The following TECTA variants were observed in gnomAD, a reference collection of about 807,000 sequenced individuals.
TECTA encodes tectorin alpha.
TECTA carries 128 observed loss-of-function variants against 216.8 expected under a neutral mutation model. The observed-to-expected ratio is 0.59, with a 90% CI of 0.51 to 0.68. The LOEUF (loss-of-function observed/expected upper bound fraction) is 0.68, where lower values mean the gene tolerates loss of function less well. Ranked by LOEUF, TECTA falls within the 30% of genes least tolerant of loss-of-function variation. The pLI is 0.00. For missense variants in TECTA, 2,551 were observed against 2,786.2 expected (o/e 0.92, Z 1.90); for synonymous variants, 1,089 against 1,117.1 (o/e 0.97, Z 0.50).
intron 13 of TECTA, 99 bp from the exon 14 acceptor site, chr11:121,157,742 A>C (rs1211404430): frequency 5.8e-6 from 9 of 1,560,172 alleles, no homozygotes; most frequent in Non-Finnish European, 7.9e-6. Context: ...CATTAAAGAT[A>C]GGCTAGCCAA....
Position 121,105,333 on chromosome 11 carries a change from T to C in TECTA, c.65-498T>C, listed in dbSNP as rs1366740093. Among the ~76,000 whole-genome samples the C allele has an allele frequency of 6.6e-6, 1 of 152,258 alleles. No homozygotes were observed. The highest frequency in any genetic ancestry group is 1.5e-5 in the Non-Finnish European group (1 of 68,046). On this transcript the variant is annotated intron_variant, in intron 2 of 23. Transcript: ENST00000392793. The surrounding 1 kb of genome is among the most constrained non-coding windows in gnomAD (Gnocchi z 5.3). ...GCTACAAATCCTCTCCTCCCACTTTTGTCTCAGTTCCCACTGTTGTTTATT... is the reference window on the plus strand; with the variant it reads ...GCTACAAATCCTCTCCTCCCACTTTCGTCTCAGTTCCCACTGTTGTTTATT...
At chr11:121,131,419 C>G (rs1946673970) in intron 10 of TECTA, among the ~76,000 whole-genome samples, 1 of 152,154 alleles carries the variant, frequency 6.6e-6, no homozygotes, top group Non-Finnish European at 1.5e-5. Context: ...TGAAAATATA[C>G]TCACTCTTTT....
intron 7 of TECTA, among the ~76,000 whole-genome samples, chr11:121,119,006 C>CACAA (rs1282245034): frequency 1.5e-3 from 139 of 93,530 alleles, no homozygotes; most frequent in Middle Eastern, 0.014. Flanking sequence ...CACACACACA[C>CACAA]ACACACACAC....
chr11:121,158,516 A>G (rs1946967432), intron 14 of TECTA, among the ~76,000 whole-genome samples: 1 of 152,196 alleles, frequency 6.6e-6, no homozygotes, highest in African/African-American at 2.4e-5. Flanking sequence ...TGTTAGATAA[A>G]TCAGTTTTTA....
intron 8 of TECTA, among the ~76,000 whole-genome samples, chr11:121,126,462 G>A (rs1034605129): frequency 6.6e-6 from 1 of 152,082 alleles, no homozygotes; most frequent in African/African-American, 2.4e-5. Flanking sequence ...TTACACTTTT[G>A]GATTAAGCAT....
chr11:121,166,182 G>A (rs1947051091), intron 17 of TECTA, among the ~76,000 whole-genome samples: 1 of 152,174 alleles, frequency 6.6e-6, no homozygotes, highest in African/African-American at 2.4e-5. Flanking sequence ...AATCAGCAGG[G>A]GCTTCAGATG....
chr11:121,124,340 G>A (rs1260328100), intron 7 of TECTA, among the ~76,000 whole-genome samples: 1 of 152,106 alleles, frequency 6.6e-6, no homozygotes, highest in Non-Finnish European at 1.5e-5. Context: ...TCTTCCCTCT[G>A]TAGTCCAGTA....
At chr11:121,138,064 A>G (rs1946749761) in intron 11 of TECTA, 42 bp downstream of exon 11, 1 of 1,612,210 alleles carries the variant, frequency 6.2e-7, no homozygotes, top group South Asian at 1.1e-5. Flanking sequence ...AATCGTGGAG[A>G]CGTCAGGATG....
chr11:121,158,323 G>A lies in TECTA; in HGVS notation c.4689+99G>A. ...TCCCAGATAGCCAAGTTGTAGGATA[G>A]ATTGTTGCTTCATGGTGTTCCACAC... On this transcript the variant is annotated intron_variant, in intron 14 of 23. Transcript: ENST00000392793. The A allele has an allele frequency of 2.7e-6, 4 of 1,501,812 alleles. No homozygotes were observed. The South Asian group carries it at 4.6e-5, about 17-fold the overall frequency. 93.0% of individuals were successfully genotyped at this position (1,501,812 alleles called of 1,614,324 possible).
chr11:121,115,852 T>G (rs1946496897), intron 6 of TECTA, among the ~76,000 whole-genome samples: 1 of 152,140 alleles, frequency 6.6e-6, no homozygotes, highest in South Asian at 2.1e-4. Flanking sequence ...AGATAGGGTC[T>G]CAGTATGTTG....
chr11:121,161,564 T>TCCCTCCCCTCCCTTC (rs1565534123), intron 15 of TECTA, among the ~76,000 whole-genome samples: 1 of 1,844 alleles, frequency 5.4e-4, no homozygotes. Flanking sequence ...TCCCTTCCCT[T>TCCCTCCCCTCCCTTC]CCCTCCCCTT....
chr11:121,133,530 T>G (rs1207367504), intron 10 of TECTA, among the ~76,000 whole-genome samples: 1 of 152,204 alleles, frequency 6.6e-6, no homozygotes, highest in East Asian at 1.9e-4. Context: ...CTCTTTAGTC[T>G]CCTTTAATCT....
chr11:121,157,584 G>A (rs1478245762), intron 13 of TECTA, among the ~76,000 whole-genome samples: 2 of 152,170 alleles, frequency 1.3e-5, no homozygotes, highest in African/African-American at 2.4e-5. Flanking sequence ...GCAACAGAAT[G>A]AGACCCTGTC....
In TECTA at chr11:121,109,456, A is replaced by G; in HGVS notation, c.444A>G (p.Thr148=). The change falls in exon 4 of 24, where the codon ACA becomes ACG. Residue 148 remains threonine, a synonymous_variant. Transcript: ENST00000392793. The part of the protein sequence containing the change: ...TFSATWVFIV[T]WEEVTFYGGS... ...CTGCCACTTGGGTTTTCATTGTGAC[A>G]TGGGAGGAAGTCACGTTTTATGGAG... The G allele has an allele frequency of 6.2e-7, 1 of 1,614,176 alleles. No homozygotes were observed.
intron 20 of TECTA, among the ~76,000 whole-genome samples, chr11:121,177,846 C>A (rs1031178698): frequency 6.6e-6 from 1 of 152,286 alleles, no homozygotes; most frequent in Non-Finnish European, 1.5e-5. Context: ...TCGAGCTTCC[C>A]GGCTGCTTTG....
At chr11:121,172,603 G>A (rs1204501614) in intron 20 of TECTA, among the ~76,000 whole-genome samples, 1 of 151,900 alleles carries the variant, frequency 6.6e-6, no homozygotes, top group Non-Finnish European at 1.5e-5. Context: ...GGACATTTGG[G>A]TTGGTTCCAA....
chr11:121,189,721 G>A (rs769078759), intron 22 of TECTA, 43 bp from the exon 23 acceptor site: 1 of 1,573,632 alleles, frequency 6.4e-7, no homozygotes, highest in East Asian at 2.2e-5. Context: ...CAGTGGAAGG[G>A]TTGAACTGTC....
At chr11:121,152,151 A>T (rs1462269528) in intron 12 of TECTA, among the ~76,000 whole-genome samples, 1 of 152,266 alleles carries the variant, frequency 6.6e-6, no homozygotes, top group African/African-American at 2.4e-5. Flanking sequence ...TGCCTTCTAT[A>T]GAAGCATCTA....
intron 10 of TECTA, among the ~76,000 whole-genome samples, chr11:121,136,527 T>G (rs985330522): frequency 1.3e-5 from 2 of 152,156 alleles, no homozygotes; most frequent in Admixed American, 1.3e-4. Context: ...ACATATAGCC[T>G]GTCTGTGTAA....
Sources: allele counts gnomAD v4.1 joint callset (sites outside exome capture counted in the v4.1 genomes callset), GRCh38; gene constraint gnomAD v4.1.1; non-coding constraint Gnocchi (gnomAD v3.1); transcripts MANE v1.5; gene names NCBI Gene and HGNC (gene_info 2026-07-23, HGNC 2026-07-21).